ATXN2: variants seen among roughly 807,000 people sequenced by gnomAD.
ATXN2 encodes ataxin 2.
Under a neutral mutation model 138.6 loss-of-function variants are expected in ATXN2, and 37 were observed. The observed-to-expected ratio is 0.27, with a 90% confidence interval of 0.21 to 0.35. The LOEUF (loss-of-function observed/expected upper bound fraction) is 0.35, where lower values mean the gene tolerates loss of function less well. Ranked by LOEUF, ATXN2 falls within the 10% of genes least tolerant of loss-of-function variation. The pLI, the probability that ATXN2 is intolerant of heterozygous loss-of-function variation, is 1.00. For missense variants in ATXN2, 1,216 were observed against 1,480.3 expected (o/e 0.82, Z 2.93); for synonymous variants, 549 against 543.7 (o/e 1.01, Z -0.13).
chr12:111,554,258 C>T (rs1449557034), intron 2 of ATXN2, 41 bp from the exon 3 acceptor site: 1 of 1,259,608 alleles, frequency 7.9e-7, no homozygotes, highest in Non-Finnish European at 1.1e-6. Flanking sequence ...GAAATTAGTA[C>T]AAACTGAATC....
At chr12:111,584,709 T>G (rs978863991) in intron 1 of ATXN2, among the ~76,000 whole-genome samples, 6 of 152,048 alleles carry the variant, frequency 3.9e-5, no homozygotes, top group Non-Finnish European at 7.4e-5. Flanking sequence ...TTCATGCCTG[T>G]ATCCCCAGCA....
chr12:111,581,609 T>C lies in ATXN2; in HGVS notation c.251+17175A>G, dbSNP rs1017273532. 5.0e-5 allele frequency: 40 copies of C among 798,750 alleles called. No homozygotes were observed. In the Middle Eastern group the frequency reaches 9.2e-4, roughly 18 times the overall value. 49.5% of individuals were successfully genotyped at this position (798,750 alleles called of 1,614,324 possible). ...CTCCTGCTGCCTGGGCTTCATAGCA[T>C]TGGCCTACTCCGTGAAGTCTAGGGA... On this transcript the variant is annotated intron_variant, in intron 1 of 24. Transcript: ENST00000673436.
intron 1 of ATXN2, among the ~76,000 whole-genome samples, chr12:111,576,578 G>A (rs1883660282): frequency 6.6e-6 from 1 of 151,804 alleles, no homozygotes; most frequent in South Asian, 2.1e-4. Flanking sequence ...CTGCCTCCCG[G>A]GTTCAAGAGA....
Position 111,552,616 on chromosome 12 carries a change from A to C in ATXN2, c.421-186T>G. 1.5e-6 allele frequency: 1 copy of C among 665,168 alleles called. No homozygotes were observed. Among genetic ancestry groups the C allele is most frequent in the South Asian group, 2.6e-5 (1 of 38,394 alleles). 41.2% of individuals were successfully genotyped at this position (665,168 alleles called of 1,614,324 possible). On this transcript the variant is annotated intron_variant, in intron 4 of 24. Transcript: ENST00000673436. This position sits in a 1 kb window ranked among gnomAD's most constrained non-coding sequence, Gnocchi z 4.1. ...CATCATTTAAAAATCCTCATATCTA[A>C]ATGTTTTTTGTTTCTATGGTTTGTC...
chr12:111,599,469 C>G (rs1419713183), upstream of ATXN2: 18 of 1,212,856 alleles, frequency 1.5e-5, no homozygotes, highest in East Asian at 1.4e-4. Flanking sequence ...CGGCGAGACT[C>G]GGTGGCCACC....
chr12:111,479,365 CAACATGGTGAAATCCCGTCTCTGCTAAAA>C, intron 18 of ATXN2, among the ~76,000 whole-genome samples: 1 of 127,564 alleles, frequency 7.8e-6, no homozygotes, highest in African/African-American at 3.0e-5. Context: ...CCAGCCTGGC[CAACATGGTGAAATCCCGTCTCTGCTAAAA>C]AAAAAAAAAA....
chr12:111,483,450 CTCT>C (rs1329054245), intron 18 of ATXN2, among the ~76,000 whole-genome samples: 19 of 133,272 alleles, frequency 1.4e-4, no homozygotes, highest in African/African-American at 4.5e-4. Context: ...ATTAAAAGAA[CTCT>C]TTTTTTTTTT....
chr12:111,556,557 C>T (rs1414888719), intron 1 of ATXN2, among the ~76,000 whole-genome samples: 1 of 152,002 alleles, frequency 6.6e-6, no homozygotes, highest in Non-Finnish European at 1.5e-5. Context: ...GTGGCTCATG[C>T]CTGTAATCCC....
At chr12:111,584,377 CAAAAAAAAAAAAAAAAAA>C (rs58678794) in intron 1 of ATXN2, among the ~76,000 whole-genome samples, 1 of 44,734 alleles carries the variant, frequency 2.2e-5, no homozygotes, top group African/African-American at 7.2e-5. Context: ...GACCCTGTCT[CAAAAAAAAAAAAAAAAAA>C]AAAAAAAAAA....
intron 1 of ATXN2, among the ~76,000 whole-genome samples, chr12:111,596,531 G>A (rs1884950693): frequency 6.6e-6 from 1 of 151,972 alleles, no homozygotes; most frequent in Admixed American, 6.6e-5. Flanking sequence ...CTGTTGATAC[G>A]CACAAACCTA....
At chr12:111,522,870 C>T (rs910863779) in intron 6 of ATXN2, among the ~76,000 whole-genome samples, 4 of 151,720 alleles carry the variant, frequency 2.6e-5, no homozygotes, top group Non-Finnish European at 5.9e-5. Context: ...GCCAAGATCA[C>T]GCCATTGCAC....
chr12:111,533,157 A>T (rs190773380), intron 5 of ATXN2, among the ~76,000 whole-genome samples: 56 of 152,340 alleles, frequency 3.7e-4, no homozygotes, highest in Non-Finnish European at 6.2e-4. Flanking sequence ...AACGCCGTGG[A>T]GGTGAAAGGG....
At chr12:111,470,344 C>T in intron 19 of ATXN2, 104 bp from the exon 20 acceptor site, 1 of 1,378,016 alleles carries the variant, frequency 7.3e-7, no homozygotes, top group Middle Eastern at 2.5e-4. Flanking sequence ...TTTCCAGAAA[C>T]AGCTGTAAAC....
Position 111,513,397 on chromosome 12 carries a change from G to C in ATXN2, c.1518C>G (p.Thr506=). ...ATGACCACGTTCCCCCCGAGGGACTGGTCCTTGCTACTGGAGGAGTAGCTG... is the reference window on the plus strand; with the variant it reads ...ATGACCACGTTCCCCCCGAGGGACTCGTCCTTGCTACTGGAGGAGTAGCTG... ...SEAATPPVAR[T]SPSGGTWSSV... Residue 506 remains threonine (T), a synonymous_variant, in exon 11 of 25, where the codon ACC becomes ACG. Transcript: ENST00000673436. The C allele has an allele frequency of 6.2e-7, 1 of 1,614,004 alleles. No individual in the cohort carries two copies. The highest frequency in any genetic ancestry group is 8.5e-7 in the Non-Finnish European group (1 of 1,180,006).
chr12:111,516,903 T>C lies in ATXN2; in HGVS notation c.1166-540A>G, dbSNP rs960374046. 6.6e-6 allele frequency among the ~76,000 whole-genome samples: 1 copy of C among 152,206 alleles called. No homozygotes were observed. The highest frequency in any genetic ancestry group is 1.5e-5 in the Non-Finnish European group (1 of 68,014). ...ACCCAGAACTCAGTTTGGAATCTTA[T>C]TAAGCAAGTCCCATTTAAGTAGAAA... On this transcript the variant is annotated intron_variant, in intron 9 of 24. Transcript: ENST00000673436. This position sits in a 1 kb window ranked among gnomAD's most constrained non-coding sequence, Gnocchi z 5.0.
At chr12:111,561,413 C>T (rs1309915731) in intron 1 of ATXN2, among the ~76,000 whole-genome samples, 3 of 151,390 alleles carry the variant, frequency 2.0e-5, no homozygotes, top group Admixed American at 6.6e-5. Context: ...GGGAGGAGAA[C>T]GGCTTGAACC....
In ATXN2 at chr12:111,566,428, A is replaced by G. The variant is rs572171035; in HGVS notation, c.252-10509T>C. On this transcript the variant is annotated intron_variant, in intron 1 of 24. Coordinates refer to ENST00000673436, the MANE Select transcript of ATXN2 (RefSeq NM_001372574.1). ...CAGCCTGGGTGACAAGAGCAAAAAA[A>G]ACTCCATCTCAAAAAAAAAGAAAAA... is the stretch of plus-strand genomic sequence containing the variant. Among the ~76,000 whole-genome samples the G allele has an allele frequency of 1.2e-3, 172 of 146,904 alleles. 1 individual carries two copies. The highest frequency in any genetic ancestry group is 3.5e-3 in the Middle Eastern group (1 of 286).
chr12:111,474,763 T>C (rs1269205130), intron 18 of ATXN2, among the ~76,000 whole-genome samples: 4 of 152,236 alleles, frequency 2.6e-5, no homozygotes, highest in African/African-American at 4.8e-5. Flanking sequence ...GCCTAGGTTA[T>C]TAATGTCTCA....
chr12:111,494,430 T>G (rs1323281548), intron 14 of ATXN2, among the ~76,000 whole-genome samples: 2 of 150,498 alleles, frequency 1.3e-5, no homozygotes, highest in African/African-American at 2.4e-5. Context: ...GATCTCTTTT[T>G]TTTTTTTTTT....
Sources: allele counts gnomAD v4.1 joint callset (sites outside exome capture counted in the v4.1 genomes callset), GRCh38; gene constraint gnomAD v4.1.1; non-coding constraint Gnocchi (gnomAD v3.1); transcripts MANE v1.5; gene names NCBI Gene and HGNC (gene_info 2026-07-23, HGNC 2026-07-21).